The following PMM2 variants were observed in gnomAD, a reference collection of about 807,000 sequenced individuals.
PMM2 encodes mannose-6-phosphate isomerase.
PMM2 carries 35 observed loss-of-function variants against 33.2 expected under a neutral mutation model. The observed-to-expected ratio is 1.06, with a 90% CI of 0.81 to 1.40. PMM2 has a LOEUF of 1.40. PMM2 is among the 40% of genes most tolerant of loss of function. PMM2 has a pLI of 0.00. For synonymous variants in PMM2, 153 were observed against 114.7 expected (o/e 1.33, Z -2.13); for missense variants, 386 against 306.0 (o/e 1.26, Z -1.95).
At chr16:8,808,184 G>A (rs938740274) in intron 4 of PMM2, 1 of 152,174 alleles carries the variant, frequency 6.6e-6, no homozygotes, top group African/African-American at 2.4e-5. Flanking sequence ...AGCCGAGGGG[G>A]AGGCCTGCAT....
At chr16:8,808,295 CA>C (rs2060657899) in intron 4 of PMM2, 1 of 151,990 alleles carries the variant, frequency 6.6e-6, no homozygotes, top group African/African-American at 2.4e-5. Context: ...AGAAATTTTC[CA>C]TGGCGAAAAG....
At chr16:8,799,979 G>A (rs8052077) in intron 1 of PMM2, among the ~76,000 whole-genome samples, 12,473 of 152,222 alleles carry the variant, frequency 0.082, 626 homozygotes, top group Middle Eastern at 0.14. Flanking sequence ...CTCTAAAAAA[G>A]TTTTTTAAAG....
intron 7 of PMM2, among the ~76,000 whole-genome samples, chr16:8,835,689 G>T (rs1268095682): frequency 1.3e-5 from 2 of 151,976 alleles, no homozygotes; most frequent in Admixed American, 6.6e-5. Flanking sequence ...TGTAAGGAGA[G>T]TTTATAGGTT....
intron 7 of PMM2, among the ~76,000 whole-genome samples, chr16:8,833,360 T>C (rs1261118164): frequency 6.6e-6 from 1 of 152,156 alleles, no homozygotes; most frequent in Non-Finnish European, 1.5e-5. Context: ...ATGTCATCAG[T>C]TAAGGCTATT....
At chr16:8,844,258 AAGG>A (rs202077138) in intron 7 of PMM2, among the ~76,000 whole-genome samples, 6,853 of 152,168 alleles carry the variant, frequency 0.045, 226 homozygotes, top group Middle Eastern at 0.13. Context: ...AAGGGAGAAG[AAGG>A]AGGAATGTAG....
chr16:8,814,675 A>G (rs911051424), intron 7 of PMM2, among the ~76,000 whole-genome samples: 1 of 152,204 alleles, frequency 6.6e-6, no homozygotes, highest in Admixed American at 6.5e-5. Context: ...CACCAGAAGA[A>G]GTCTACCTGT....
intron 1 of PMM2, among the ~76,000 whole-genome samples, chr16:8,799,914 A>G (rs1417898047): frequency 6.6e-6 from 1 of 152,226 alleles, no homozygotes; most frequent in East Asian, 1.9e-4. Context: ...AGAGTAGAAA[A>G]GATTGCACTC....
chr16:8,804,745 G>GCAAAGA, intron 2 of PMM2, 22 bp from the exon 3 acceptor site: 1 of 1,563,472 alleles, frequency 6.4e-7, no homozygotes. Flanking sequence ...CATTCTAAGT[G>GCAAAGA]TTTTTTTGGT....
intron 7 of PMM2, among the ~76,000 whole-genome samples, chr16:8,831,155 A>AGC: frequency 6.6e-6 from 1 of 152,192 alleles, no homozygotes; most frequent in Admixed American, 6.5e-5. Context: ...AAAAAAAACA[A>AGC]AGTTGAACTA....
intron 7 of PMM2, among the ~76,000 whole-genome samples, chr16:8,847,228 A>C (rs1019072181): frequency 6.6e-6 from 1 of 152,142 alleles, no homozygotes; most frequent in African/African-American, 2.4e-5. Context: ...GCCACGTTTC[A>C]AGTGTGCAGA....
chr16:8,847,988 A>T lies in PMM2; in HGVS notation c.*163A>T. ...TCTGGACTTCCACCTCCAGTGCCAG[A>T]AACTTCCAGAAGGAAGGAGAAAACT... On this transcript the variant is annotated 3_prime_UTR_variant, in exon 8 of 8. Transcript: ENST00000268261. 1 of 624,502 alleles carries T rather than the reference A, an allele frequency of 1.6e-6. No homozygotes were observed. Among genetic ancestry groups the T allele is most frequent in the East Asian group, 2.8e-5 (1 of 36,138 alleles). The allele number at this position is 624,502 out of a possible 1,614,324, so 38.7% of individuals were successfully genotyped here.
At chr16:8,809,358 T>C (rs1041664520) in intron 4 of PMM2, 3 of 152,246 alleles carry the variant, frequency 2.0e-5, no homozygotes, top group African/African-American at 7.2e-5. Flanking sequence ...CAGAAAATGC[T>C]TAAATTTCAT....
intron 2 of PMM2, chr16:8,802,423 T>G (rs186648867): frequency 6.4e-5 from 25 of 389,234 alleles, no homozygotes; most frequent in Admixed American, 1.7e-4. Context: ...GTGTACAACC[T>G]TGCTAATGTA....
In PMM2 at chr16:8,822,518, T is replaced by C. The variant is rs1442549261; in HGVS notation, c.639+9412T>C. Reference sequence around the variant, plus strand: ...AATTCCTCCCAAGGTTAGTTTGGTCTGCATCCAGGAATGAACAAGGACATC... The same window carrying C: ...AATTCCTCCCAAGGTTAGTTTGGTCCGCATCCAGGAATGAACAAGGACATC... On this transcript the variant is annotated intron_variant, in intron 7 of 7. Transcript: ENST00000268261. Among the ~76,000 whole-genome samples, 8 of 152,242 alleles carry C rather than the reference T, an allele frequency of 5.3e-5. 1 individual carries two copies. Among genetic ancestry groups the C allele is most frequent in the African/African-American group, 1.9e-4 (8 of 41,472 alleles).
chr16:8,834,114 G>C (rs2141040030), intron 7 of PMM2, among the ~76,000 whole-genome samples: 1 of 152,346 alleles, frequency 6.6e-6, no homozygotes, highest in East Asian at 1.9e-4. Context: ...CTATACAGGA[G>C]CTTACATGGG....
At chr16:8,841,618 A>T (rs1170920971) in intron 7 of PMM2, among the ~76,000 whole-genome samples, 2 of 147,396 alleles carry the variant, frequency 1.4e-5, no homozygotes, top group African/African-American at 5.0e-5. Flanking sequence ...AGTGGCTTGT[A>T]CTATAGCATA....
intron 7 of PMM2, among the ~76,000 whole-genome samples, chr16:8,828,676 T>C (rs1041346140): frequency 1.3e-5 from 2 of 152,102 alleles, no homozygotes; most frequent in African/African-American, 2.4e-5. Flanking sequence ...CTGGTTTTTG[T>C]TGGAGCAAAG....
At position 8,833,890 on chromosome 16, in the gene PMM2, G is replaced by C. The variant is rs958130698; in HGVS notation, c.640-13834G>C. On this transcript the variant is annotated intron_variant, in intron 7 of 7. Transcript: ENST00000268261. ...TTTACCTCAAGAGTTTAGAGTGGCAGTTTGGGGATAGCACCAGGAGATATC... is the reference window on the plus strand; with the variant it reads ...TTTACCTCAAGAGTTTAGAGTGGCACTTTGGGGATAGCACCAGGAGATATC... Among the ~76,000 whole-genome samples the C allele has an allele frequency of 9.9e-5, 15 of 152,246 alleles. No individual in the cohort carries two copies. The East Asian group carries it at 2.5e-3, about 25-fold the overall frequency.
chr16:8,815,275 A>G (rs942344345), intron 7 of PMM2, among the ~76,000 whole-genome samples: 4 of 146,488 alleles, frequency 2.7e-5, no homozygotes, highest in Non-Finnish European at 4.5e-5. Context: ...GCTAGAGTGC[A>G]GTGGCACCAT....
Sources: gnomAD v4.1 joint callset for allele counts (sites outside exome capture counted in the v4.1 genomes callset) on GRCh38, gnomAD v4.1.1 for gene constraint, MANE v1.5 for transcripts, NCBI Gene and HGNC (gene_info 2026-07-23, HGNC 2026-07-21) for gene names.